Variants in LHFPL6 observed in about 807,000 individuals in gnomAD.
The protein encoded by LHFPL6 is LHFPL tetraspan subfamily member 6.
In LHFPL6, 9 loss-of-function variants were observed where a neutral mutation model predicts 20.6. The ratio of observed to expected loss-of-function variants is 0.44; its 90% confidence interval spans 0.26 to 0.76. LHFPL6 has a LOEUF of 0.76. Among genes scored for constraint, LHFPL6 ranks in the 30% least tolerant of loss-of-function variants. LHFPL6 has a pLI of 0.20. For missense variants in LHFPL6, 218 were observed against 253.5 expected, an observed-to-expected ratio of 0.86 and a Z score of 0.95; for synonymous variants, 105 against 98.7, an observed-to-expected ratio of 1.06 and a Z score of -0.38.
chr13:39,417,232 T>C (rs1482498752), intron 2 of LHFPL6, among the ~76,000 whole-genome samples: 1 of 152,210 alleles, frequency 6.6e-6, no homozygotes, highest in African/African-American at 2.4e-5. Flanking sequence ...ACCCAAGCTT[T>C]TTCCCAAAGG....
At chr13:39,421,560 A>C (rs1368181586) in intron 2 of LHFPL6, among the ~76,000 whole-genome samples, 3 of 152,232 alleles carry the variant, frequency 2.0e-5, no homozygotes, top group Non-Finnish European at 4.4e-5. Flanking sequence ...CAGATGTTTC[A>C]TGATAAAAAT....
chr13:39,437,970 C>T (rs1185391420), intron 2 of LHFPL6, among the ~76,000 whole-genome samples: 1 of 151,154 alleles, frequency 6.6e-6, no homozygotes. Context: ...TATAAAGATA[C>T]CTAAAAATGT....
intron 3 of LHFPL6, among the ~76,000 whole-genome samples, chr13:39,355,038 A>G (rs1869687961): frequency 6.7e-6 from 1 of 149,412 alleles, no homozygotes; most frequent in African/African-American, 2.5e-5. Context: ...TCAACATTCA[A>G]ATTCAAAAAA....
chr13:39,437,802 C>A (rs548909855), intron 2 of LHFPL6, among the ~76,000 whole-genome samples: 55 of 150,658 alleles, frequency 3.7e-4, no homozygotes, highest in African/African-American at 1.2e-3. Context: ...CTTGGGAGGC[C>A]GAGGCAGGAG....
At chr13:39,498,535 G>A (rs1869174801) in intron 2 of LHFPL6, among the ~76,000 whole-genome samples, 1 of 152,188 alleles carries the variant, frequency 6.6e-6, no homozygotes, top group African/African-American at 2.4e-5. Flanking sequence ...TTAAAATCAG[G>A]GAGAGAAGAT....
intron 2 of LHFPL6, among the ~76,000 whole-genome samples, chr13:39,509,194 C>T (rs1006362147): frequency 2.1e-4 from 32 of 152,258 alleles, no homozygotes; most frequent in African/African-American, 7.5e-4. Context: ...TTTGTCCAAA[C>T]ATTTTGCCCA....
chr13:39,429,919 C>T (rs1362231249), intron 2 of LHFPL6, among the ~76,000 whole-genome samples: 1 of 152,196 alleles, frequency 6.6e-6, no homozygotes, highest in Non-Finnish European at 1.5e-5. Flanking sequence ...TATTTCTTTC[C>T]CTGGCTTGTA....
chr13:39,480,536 C>G (rs994930410), intron 2 of LHFPL6, among the ~76,000 whole-genome samples: 3 of 152,142 alleles, frequency 2.0e-5, no homozygotes, highest in Non-Finnish European at 4.4e-5. Flanking sequence ...ACCCCAAAAG[C>G]ATGTGTCTTG....
At chr13:39,579,761 T>A (rs1158658245) in intron 2 of LHFPL6, among the ~76,000 whole-genome samples, 2 of 152,192 alleles carry the variant, frequency 1.3e-5, no homozygotes, top group South Asian at 4.1e-4. Context: ...CAAATATCAC[T>A]GGCAAGTTTC....
intron 2 of LHFPL6, among the ~76,000 whole-genome samples, chr13:39,544,189 T>C (rs1870900620): frequency 6.6e-6 from 1 of 152,106 alleles, no homozygotes; most frequent in African/African-American, 2.4e-5. Context: ...GAGGGGGAAA[T>C]TGATAACAAG....
intron 2 of LHFPL6, among the ~76,000 whole-genome samples, chr13:39,403,660 A>C (rs1871044733): frequency 6.6e-6 from 1 of 152,334 alleles, no homozygotes; most frequent in Admixed American, 6.5e-5. Flanking sequence ...ATAGCCAATA[A>C]ACATCAACAT....
chr13:39,552,385 G>A (rs2138512925), intron 2 of LHFPL6, among the ~76,000 whole-genome samples: 1 of 152,134 alleles, frequency 6.6e-6, no homozygotes, highest in Admixed American at 6.5e-5. Flanking sequence ...TGTTCTTAAT[G>A]GCACATAAAC....
intron 2 of LHFPL6, among the ~76,000 whole-genome samples, chr13:39,500,447 C>G (rs927746307): frequency 1.3e-5 from 2 of 151,996 alleles, no homozygotes; most frequent in Non-Finnish European, 2.9e-5. Flanking sequence ...GAGATGAGGT[C>G]TCTCTATGTG....
intron 2 of LHFPL6, among the ~76,000 whole-genome samples, chr13:39,489,242 C>A (rs1049314648): frequency 1.3e-5 from 2 of 152,140 alleles, no homozygotes; most frequent in African/African-American, 2.4e-5. Flanking sequence ...GGTCTAGGAA[C>A]CTTGAGGAAT....
intron 2 of LHFPL6, among the ~76,000 whole-genome samples, chr13:39,521,966 C>G (rs1266463717): frequency 6.6e-6 from 1 of 152,136 alleles, no homozygotes; most frequent in Non-Finnish European, 1.5e-5. Flanking sequence ...TCTTTTACAT[C>G]CTGCCCATTC....
At chr13:39,485,773 A>G (rs1868703801) in intron 2 of LHFPL6, among the ~76,000 whole-genome samples, 1 of 152,208 alleles carries the variant, frequency 6.6e-6, no homozygotes, top group Admixed American at 6.5e-5. Context: ...TTGTAGTGAA[A>G]GAAATTTAAT....
At chr13:39,471,245 A>G (rs9741649) in intron 2 of LHFPL6, among the ~76,000 whole-genome samples, 59,524 of 151,980 alleles carry the variant, frequency 0.39, 11,761 homozygotes, top group Middle Eastern at 0.52. Context: ...GAGGAGAGAA[A>G]GCTACATCAG....
intron 2 of LHFPL6, among the ~76,000 whole-genome samples, chr13:39,513,638 G>A (rs1321234531): frequency 2.6e-5 from 4 of 152,132 alleles, no homozygotes; most frequent in African/African-American, 9.7e-5. Context: ...ACTATATCAG[G>A]AGCTTTTATA....
At chr13:39,455,947 T>C (rs1348531361) in intron 2 of LHFPL6, among the ~76,000 whole-genome samples, 2 of 152,226 alleles carry the variant, frequency 1.3e-5, no homozygotes, top group South Asian at 2.1e-4. Flanking sequence ...ATCCATATCA[T>C]TGTCATCAAA....
Sources: allele counts gnomAD v4.1 joint callset (sites outside exome capture counted in the v4.1 genomes callset), GRCh38; gene constraint gnomAD v4.1.1; transcripts MANE v1.5; gene names NCBI Gene and HGNC (gene_info 2026-07-23, HGNC 2026-07-21).